Variants in PTPRZ1 observed in about 807,000 individuals in gnomAD.
PTPRZ1 encodes the protein protein tyrosine phosphatase receptor type Z1, also known as receptor-type tyrosine-protein phosphatase zeta.
A neutral mutation model predicts 214.1 loss-of-function variants in PTPRZ1; 82 were observed. The observed-to-expected ratio is 0.38, with a 90% CI of 0.32 to 0.46. The LOEUF (loss-of-function observed/expected upper bound fraction) is 0.46. Among genes scored for constraint, PTPRZ1 ranks in the 20% least tolerant of loss-of-function variants. The pLI is 1.00. For missense variants in PTPRZ1, 2,603 were observed against 2,748.7 expected (o/e 0.95, Z 1.19); for synonymous variants, 945 against 987.9 (o/e 0.96, Z 0.81).
At chr7:121,893,907 A>T (rs1283388642) in intron 1 of PTPRZ1, among the ~76,000 whole-genome samples, 1 of 152,068 alleles carries the variant, frequency 6.6e-6, no homozygotes, top group Non-Finnish European at 1.5e-5. Flanking sequence ...ACACTTCTTT[A>T]TCCTCCTTCA....
chr7:122,004,790 C>G lies in PTPRZ1; in HGVS notation c.1287+130C>G. ...GATTCACTGTTTGTGGGGTTAGTTG[C>G]TAAGCTTTATATATAGATAGTCACA... On this transcript the variant is annotated intron_variant, in intron 11 of 29. Transcript: ENST00000393386. 3 of 537,200 alleles carry G rather than the reference C, an allele frequency of 5.6e-6. No individual in the cohort carries two copies. In the South Asian group the frequency reaches 6.8e-5, roughly 12 times the overall value. The allele number at this position is 537,200 out of a possible 1,614,324, so 33.3% of individuals were successfully genotyped here.
In PTPRZ1 at chr7:121,891,451, C is replaced by CTTTTTTTTTTTTTTTTTTTTTTTTTTTT. The variant is rs58135453; in HGVS notation, c.58+17897_58+17924dup. ...AAATATTTGTTGAATAAAACAACCT[C>CTTTTTTTTTTTTTTTTTTTTTTTTTTTT]TTTTTTTTTTTTTTTTTTTTTTTTT... On this transcript the variant is annotated intron_variant, in intron 1 of 29. Transcript: ENST00000393386. Among the ~76,000 whole-genome samples, 16 of 35,756 alleles carry CTTTTTTTTTTTTTTTTTTTTTTTTTTTT rather than the reference C, an allele frequency of 4.5e-4. 1 individual carries two copies. The highest frequency in any genetic ancestry group is 5.2e-4 in the Non-Finnish European group (10 of 19,370). The allele number at this position is 35,756 out of a possible 152,430, so 23.5% of individuals were successfully genotyped here. A position where few individuals can be genotyped will look rare whatever the true frequency, so the allele number is the denominator to read the frequency against.
chr7:121,875,633 GT>G (rs1428861624), intron 1 of PTPRZ1, among the ~76,000 whole-genome samples: 1 of 152,230 alleles, frequency 6.6e-6, no homozygotes, highest in African/African-American at 2.4e-5. Flanking sequence ...CTCCAAGTGA[GT>G]TTTGTTGAGA....
chr7:121,902,759 T>C (rs1050307252), intron 1 of PTPRZ1, among the ~76,000 whole-genome samples: 6 of 152,176 alleles, frequency 3.9e-5, no homozygotes, highest in Non-Finnish European at 8.8e-5. Context: ...TCCTGAACTT[T>C]CTTTTACCTA....
intron 13 of PTPRZ1, among the ~76,000 whole-genome samples, chr7:122,026,779 A>G (rs979544988): frequency 2.0e-5 from 3 of 152,340 alleles, no homozygotes; most frequent in Non-Finnish European, 2.9e-5. Flanking sequence ...TAATTTTGCT[A>G]TGTACGTCAT....
chr7:122,010,447 C>A lies in PTPRZ1; in HGVS notation c.1401C>A (p.Tyr467Ter). ...CCCAGATTTCTACCACAACACACTA[C>A]AATCGCATAGGGACGAAATACAATG... ...KEPQISTTTH[Y>*]NRIGTKYNEA... The change falls in exon 12 of 30, where the codon TAC (tyrosine) becomes TAA (stop). Residue 467 changes from tyrosine to a stop codon, truncating the protein, a stop_gained. Transcript: ENST00000393386. LOFTEE classifies it high-confidence loss of function. The A allele has an allele frequency of 1.9e-6, 3 of 1,614,012 alleles. No homozygotes were observed. Among genetic ancestry groups the A allele is most frequent in the Non-Finnish European group, 2.5e-6 (3 of 1,179,928 alleles).
At chr7:121,979,469 A>G (rs1797538282) in intron 6 of PTPRZ1, among the ~76,000 whole-genome samples, 2 of 152,112 alleles carry the variant, frequency 1.3e-5, no homozygotes, top group Non-Finnish European at 2.9e-5. Flanking sequence ...TCAGCCCAGA[A>G]ATTTCTGTAC....
At chr7:122,023,839 T>TTA (rs1475176645) in intron 13 of PTPRZ1, among the ~76,000 whole-genome samples, 7 of 90,116 alleles carry the variant, frequency 7.8e-5, no homozygotes, top group East Asian at 2.8e-4. Context: ...TTATATATAA[T>TTA]TATATATATA....
intron 13 of PTPRZ1, among the ~76,000 whole-genome samples, chr7:122,024,653 A>G (rs1799156012): frequency 6.6e-6 from 1 of 151,992 alleles, no homozygotes; most frequent in Non-Finnish European, 1.5e-5. Flanking sequence ...TTTTAGGGAA[A>G]TTAATGCCAA....
chr7:121,877,270 T>C (rs764803944), intron 1 of PTPRZ1, among the ~76,000 whole-genome samples: 3 of 152,190 alleles, frequency 2.0e-5, no homozygotes, highest in Non-Finnish European at 4.4e-5. Flanking sequence ...TGATTCAGCC[T>C]GTGTATTCCT....
intron 2 of PTPRZ1, among the ~76,000 whole-genome samples, chr7:121,952,926 A>G (rs1796602874): frequency 6.6e-6 from 1 of 152,184 alleles, no homozygotes; most frequent in African/African-American, 2.4e-5. Context: ...AGATAGAAAA[A>G]AGGAAAAGGG....
chr7:122,052,261 G>A (rs1453538725), intron 25 of PTPRZ1, among the ~76,000 whole-genome samples: 1 of 152,162 alleles, frequency 6.6e-6, no homozygotes, highest in Non-Finnish European at 1.5e-5. Context: ...CAGAACCCCT[G>A]AGCAAACCCG....
chr7:121,985,638 T>A lies in PTPRZ1; in HGVS notation c.928+1521T>A, dbSNP rs1797744054. On this transcript the variant is annotated intron_variant, in intron 8 of 29. Transcript: ENST00000393386. ...TCTTCATTTCCCTGCCTCCTCATTC[T>A]TCAAGACTCAAGTTGAGCATTGCAT... Among the ~76,000 whole-genome samples, 3 of 152,230 alleles carry A rather than the reference T, an allele frequency of 2.0e-5. No homozygotes were observed. In the South Asian group the frequency reaches 6.2e-4, roughly 31 times the overall value.
Position 122,004,417 on chromosome 7 carries a change from C to T in PTPRZ1, c.1241-197C>T, listed in dbSNP as rs1338831499. Among the ~76,000 whole-genome samples, 7 of 151,992 alleles carry T rather than the reference C, an allele frequency of 4.6e-5. No homozygotes were observed. In the South Asian group the frequency reaches 1.0e-3, roughly 23 times the overall value. On this transcript the variant is annotated intron_variant, in intron 10 of 29. Coordinates refer to ENST00000393386, the MANE Select transcript of PTPRZ1 (RefSeq NM_002851.3). ...ATTTGGGTAGAGTTACATATAAGCT[C>T]ATGTAGTGTTGTGTTGTAGTGTTCA...
chr7:121,964,128 G>A (rs146236956), intron 2 of PTPRZ1, among the ~76,000 whole-genome samples: 7 of 151,840 alleles, frequency 4.6e-5, no homozygotes, highest in African/African-American at 7.3e-5. Context: ...TGATCCTTAC[G>A]AGCTCAAACT....
intron 24 of PTPRZ1, 28 bp downstream of exon 24, chr7:122,051,549 A>G: frequency 6.4e-7 from 1 of 1,571,160 alleles, no homozygotes; most frequent in South Asian, 1.1e-5. Context: ...TTGAAAAAAC[A>G]ACTTTTTTAA....
intron 14 of PTPRZ1, among the ~76,000 whole-genome samples, chr7:122,030,603 T>A (rs1028595068): frequency 3.9e-5 from 6 of 152,024 alleles, no homozygotes; most frequent in African/African-American, 1.2e-4. Context: ...AGTTTTTTTT[T>A]ATCAGCAAAT....
Position 121,983,909 on chromosome 7 carries a change from A to C in PTPRZ1, c.778-58A>C, listed in dbSNP as rs1426556443. ...AAGTTTGCTATAAAATATCCATTTT[A>C]AAGCATTTACCAATGCCTTTGAAGC... On this transcript the variant is annotated intron_variant, in intron 7 of 29. Transcript: ENST00000393386. 3.1e-6 allele frequency: 5 copies of C among 1,591,564 alleles called. No homozygotes were observed. The East Asian group carries it at 1.1e-4, about 36-fold the overall frequency.
intron 1 of PTPRZ1, among the ~76,000 whole-genome samples, chr7:121,915,592 CATT>C (rs2116324631): frequency 6.6e-6 from 1 of 152,220 alleles, no homozygotes; most frequent in African/African-American, 2.4e-5. Context: ...GAACTTTAGG[CATT>C]ATACTCTGGT....
Sources: allele counts gnomAD v4.1 joint callset (sites outside exome capture counted in the v4.1 genomes callset), GRCh38; gene constraint gnomAD v4.1.1; transcripts MANE v1.5; gene names NCBI Gene and HGNC (gene_info 2026-07-23, HGNC 2026-07-21).